ATP6V1C1: variants seen among roughly 807,000 people sequenced by gnomAD.
ATP6V1C1 encodes the protein V-type proton ATPase subunit C 1.
In ATP6V1C1, 45 loss-of-function variants were observed where a neutral mutation model predicts 53.9. The observed-to-expected ratio is 0.83, with a 90% CI of 0.66 to 1.07. The LOEUF (loss-of-function observed/expected upper bound fraction) is 1.07. ATP6V1C1 is among the 50% of genes least tolerant of loss of function. ATP6V1C1 has a pLI of 0.00. For synonymous variants in ATP6V1C1, 153 were observed against 155.2 expected (o/e 0.99, Z 0.11); for missense variants, 315 against 440.3 (o/e 0.72, Z 2.55).
intron 5 of ATP6V1C1, among the ~76,000 whole-genome samples, chr8:103,051,790 T>G (rs1817205219): frequency 6.6e-6 from 1 of 152,214 alleles, no homozygotes; most frequent in Non-Finnish European, 1.5e-5. Flanking sequence ...GGAATAAAAG[T>G]CTTAACAGTA....
intron 8 of ATP6V1C1, among the ~76,000 whole-genome samples, chr8:103,057,661 C>T (rs1817313720): frequency 6.6e-6 from 1 of 152,156 alleles, no homozygotes; most frequent in African/African-American, 2.4e-5. Flanking sequence ...TTTAACTTCT[C>T]TGGGCCTCAT....
intron 1 of ATP6V1C1, among the ~76,000 whole-genome samples, chr8:103,029,785 T>A (rs1439834670): frequency 5.9e-5 from 9 of 151,664 alleles, no homozygotes; most frequent in African/African-American, 1.9e-4. Context: ...CAGGCTGGAG[T>A]GCAGTGGCAC....
At chr8:103,036,689 C>G (rs1436211460) in intron 1 of ATP6V1C1, among the ~76,000 whole-genome samples, 4 of 152,142 alleles carry the variant, frequency 2.6e-5, no homozygotes, top group Admixed American at 2.0e-4. Context: ...GTCCTCTTTC[C>G]TATTCCTTGA....
intron 1 of ATP6V1C1, among the ~76,000 whole-genome samples, chr8:103,028,206 C>T (rs1341489711): frequency 2.0e-5 from 3 of 152,010 alleles, no homozygotes; most frequent in Non-Finnish European, 4.4e-5. Context: ...TTGGCTTAAA[C>T]TGGAAGAGAG....
chr8:103,035,672 T>G (rs750067519), intron 1 of ATP6V1C1, among the ~76,000 whole-genome samples: 4 of 152,172 alleles, frequency 2.6e-5, no homozygotes, highest in Admixed American at 1.3e-4. Flanking sequence ...TACATTATTT[T>G]ATTCATACTT....
rs145966479 is a variant in ATP6V1C1 at position 103,072,155 on chromosome 8, G to A, written c.*3408G>A. 3 of 152,286 alleles carry A rather than the reference G, an allele frequency of 2.0e-5. No homozygotes were observed. Among genetic ancestry groups the A allele is most frequent in the African/African-American group, 7.2e-5 (3 of 41,544 alleles). The allele number at this position is 152,286 out of a possible 1,614,324, so 9.4% of individuals were successfully genotyped here. On this transcript the variant is annotated 3_prime_UTR_variant, in exon 13 of 13. Coordinates refer to ENST00000518738, the MANE Select transcript of ATP6V1C1 (RefSeq NM_001695.5). The stretch of plus-strand genomic sequence containing the variant: ...AAAGATATTTGTGGAACCAATCTTT[G>A]TGGAACATATTCCAGCTTTTTGAAT...
At chr8:103,051,804 A>T (rs904478443) in intron 5 of ATP6V1C1, among the ~76,000 whole-genome samples, 2 of 152,130 alleles carry the variant, frequency 1.3e-5, no homozygotes, top group Non-Finnish European at 2.9e-5. Context: ...AACAGTAACT[A>T]TAATGAGACA....
At position 103,071,977 on chromosome 8, in the gene ATP6V1C1, A is replaced by G. The variant is rs1238104414; in HGVS notation, c.*3230A>G. ...CAGAACATTTCATCTATGATGGGTTAGATAATGTGTCTAGTTGTTTGCATG... is the reference window on the plus strand; with the variant it reads ...CAGAACATTTCATCTATGATGGGTTGGATAATGTGTCTAGTTGTTTGCATG... On this transcript the variant is annotated 3_prime_UTR_variant, in exon 13 of 13. Coordinates refer to ENST00000518738, the MANE Select transcript of ATP6V1C1 (RefSeq NM_001695.5). 6.6e-6 allele frequency: 1 copy of G among 152,266 alleles called. No homozygotes were observed. The highest frequency in any genetic ancestry group is 1.5e-5 in the Non-Finnish European group (1 of 68,058). The allele number at this position is 152,266 out of a possible 1,614,324, so 9.4% of individuals were successfully genotyped here. A position where few individuals can be genotyped will look rare whatever the true frequency, so the allele number is the denominator to read the frequency against.
intron 1 of ATP6V1C1, among the ~76,000 whole-genome samples, chr8:103,023,280 CTTTTT>C (rs576209249): frequency 8.8e-6 from 1 of 113,084 alleles, no homozygotes; most frequent in Non-Finnish European, 1.8e-5. Flanking sequence ...CAGGTTGTGG[CTTTTT>C]TTTTTTTTTT....
In ATP6V1C1 at chr8:103,065,613, C is replaced by T. The variant is rs113780551; in HGVS notation, c.927-708C>T. On this transcript the variant is annotated intron_variant, in intron 11 of 12. Coordinates refer to ENST00000518738, the MANE Select transcript of ATP6V1C1 (RefSeq NM_001695.5). Reference sequence around the variant, plus strand: ...AAACAAAAAAACACCCCAAAACTTACATGTAACCATGCTCACTATTTTTAA... The same window carrying T: ...AAACAAAAAAACACCCCAAAACTTATATGTAACCATGCTCACTATTTTTAA... Among the ~76,000 whole-genome samples the T allele has an allele frequency of 3.3e-5, 5 of 152,122 alleles. 1 individual carries two copies. The highest frequency in any genetic ancestry group is 1.2e-4 in the African/African-American group (5 of 41,510).
intron 6 of ATP6V1C1, 69 bp downstream of exon 6, chr8:103,052,891 T>C (rs936892952): frequency 1.9e-5 from 18 of 940,472 alleles, no homozygotes; most frequent in African/African-American, 1.9e-4. Flanking sequence ...GAAGGAGATA[T>C]TGTTGGGATT....
intron 8 of ATP6V1C1, among the ~76,000 whole-genome samples, chr8:103,057,255 A>G (rs949168211): frequency 1.3e-5 from 2 of 152,220 alleles, no homozygotes; most frequent in Admixed American, 6.5e-5. Context: ...ATGACGTGGT[A>G]GCCTGCAGTG....
At chr8:103,025,238 G>A (rs992464118) in intron 1 of ATP6V1C1, among the ~76,000 whole-genome samples, 2 of 152,192 alleles carry the variant, frequency 1.3e-5, no homozygotes, top group Admixed American at 6.5e-5. Context: ...TTTTGAATCA[G>A]CCCATAGTTT....
rs1817443118 is a variant in ATP6V1C1, at chr8:103,063,753, G to A, written c.828+525G>A. 2.0e-5 allele frequency among the ~76,000 whole-genome samples: 3 copies of A among 152,248 alleles called. No homozygotes were observed. In the South Asian group the frequency reaches 6.2e-4, roughly 32 times the overall value. ...AGTGGAATTGTGAAAATCAAAGATGGTGTTAACTTTCTTGCCATCTTCAAG... is the reference window on the plus strand; with the variant it reads ...AGTGGAATTGTGAAAATCAAAGATGATGTTAACTTTCTTGCCATCTTCAAG... On this transcript the variant is annotated intron_variant, in intron 10 of 12. Coordinates refer to ENST00000518738, the MANE Select transcript of ATP6V1C1 (RefSeq NM_001695.5).
rs75907193 is a variant in ATP6V1C1, at chr8:103,071,702, C to T, written c.*2955C>T. ...TCAGGGCTTACTGCAGCCTCACCCT[C>T]GATTTCCTGGGCTCAAGCAATCCTC... On this transcript the variant is annotated 3_prime_UTR_variant, in exon 13 of 13. Transcript: ENST00000518738. The T allele has an allele frequency of 9.6e-3, 1,474 of 153,672 alleles. 17 individuals are homozygous for T. Among genetic ancestry groups the T allele is most frequent in the African/African-American group, 0.034 (1,405 of 41,588 alleles). 9.5% of individuals were successfully genotyped at this position (153,672 alleles called of 1,614,324 possible).
In ATP6V1C1 at chr8:103,066,458, A is replaced by C. The variant is rs755739723; in HGVS notation, c.1053+11A>C. Reference sequence around the variant, plus strand: ...GCAGCTATTATTGATGTAAGTACTTATTAGCCCAGTAGAGTAAGAATTGAA... The same window carrying C: ...GCAGCTATTATTGATGTAAGTACTTCTTAGCCCAGTAGAGTAAGAATTGAA... On this transcript the variant is annotated intron_variant, in intron 12 of 12. Transcript: ENST00000518738. The C allele has an allele frequency of 6.3e-7, 1 of 1,575,718 alleles. No individual in the cohort carries two copies. The highest frequency in any genetic ancestry group is 2.3e-5 in the East Asian group (1 of 43,942).
At chr8:103,050,281 C>T (rs932136654) in intron 4 of ATP6V1C1, among the ~76,000 whole-genome samples, 1 of 152,122 alleles carries the variant, frequency 6.6e-6, no homozygotes, top group Non-Finnish European at 1.5e-5. Context: ...TGAACTAGGG[C>T]AGTCAGTCTA....
chr8:103,044,676 T>C (rs1247130988), intron 3 of ATP6V1C1, among the ~76,000 whole-genome samples: 1 of 109,446 alleles, frequency 9.1e-6, no homozygotes, highest in African/African-American at 4.2e-5. Flanking sequence ...TTCTCCAACT[T>C]TTTTTTTTTT....
At chr8:103,064,397 A>AT (rs1265973429) in intron 10 of ATP6V1C1, among the ~76,000 whole-genome samples, 1 of 152,064 alleles carries the variant, frequency 6.6e-6, no homozygotes, top group African/African-American at 2.4e-5. Context: ...TTATATTTTG[A>AT]TTTTCCAACC....
Sources: allele counts gnomAD v4.1 joint callset (sites outside exome capture counted in the v4.1 genomes callset), GRCh38; gene constraint gnomAD v4.1.1; transcripts MANE v1.5; gene names NCBI Gene and HGNC (gene_info 2026-07-23, HGNC 2026-07-21).